KCNK18: variants seen among roughly 807,000 people sequenced by gnomAD.
KCNK18 encodes potassium channel subfamily K member 18.
A neutral mutation model predicts 11.8 loss-of-function variants in KCNK18; 8 were observed. The ratio of observed to expected loss-of-function variants is 0.68; its 90% CI spans 0.40 to 1.22. The LOEUF (loss-of-function observed/expected upper bound fraction) is 1.22. KCNK18 is among the 50% of genes most tolerant of loss of function. The pLI is 0.01. For missense variants in KCNK18, 442 were observed against 465.4 expected, an observed-to-expected ratio of 0.95 and a Z score of 0.46; for synonymous variants, 208 against 185.8, an observed-to-expected ratio of 1.12 and a Z score of -0.97.
chr10:117,205,871 G>A (rs1855069051), intron 2 of KCNK18, among the ~76,000 whole-genome samples: 1 of 152,114 alleles, frequency 6.6e-6, no homozygotes, highest in African/African-American at 2.4e-5. Flanking sequence ...CCAACATGGT[G>A]AAACCTTGTC....
intron 2 of KCNK18, among the ~76,000 whole-genome samples, chr10:117,209,140 T>A (rs553394844): frequency 1.3e-5 from 2 of 152,302 alleles, no homozygotes; most frequent in South Asian, 4.1e-4. Flanking sequence ...ACTCATCCTG[T>A]CCTTCCAGGT....
chr10:117,207,972 C>T (rs539314562), intron 2 of KCNK18, among the ~76,000 whole-genome samples: 4 of 152,298 alleles, frequency 2.6e-5, no homozygotes, highest in South Asian at 2.1e-4. Context: ...TAGCCACCTG[C>T]GCTGTGGGGT....
chr10:117,209,752 T>C lies in KCNK18; in HGVS notation c.608T>C (p.Ile203Thr). Residue 203 changes from isoleucine to threonine, a missense_variant, in exon 3 of 3, where the codon ATC (isoleucine) becomes ACC (threonine). Ile to Thr is a moderately conservative substitution (Grantham distance 89). Coordinates refer to ENST00000334549, the MANE Select transcript of KCNK18 (RefSeq NM_181840.1). Reference sequence around the variant, plus strand: ...GCAGATGAAGCTGTCCCTCAGATCATCATCAGTGCTGAAGAGCTTCCAGGC... The same window carrying C: ...GCAGATGAAGCTGTCCCTCAGATCACCATCAGTGCTGAAGAGCTTCCAGGC... Reference protein sequence around the residue: ...KPADEAVPQIIISAEELPGPK... With the variant: ...KPADEAVPQITISAEELPGPK... 6.2e-7 allele frequency: 1 copy of C among 1,614,056 alleles called. No individual in the cohort carries two copies. Among genetic ancestry groups the C allele is most frequent in the Non-Finnish European group, 8.5e-7 (1 of 1,180,014 alleles).
chr10:117,199,919 C>T (rs1481562568), intron 1 of KCNK18, among the ~76,000 whole-genome samples: 1 of 152,198 alleles, frequency 6.6e-6, no homozygotes, highest in Admixed American at 6.5e-5. Context: ...TCGAGCCATT[C>T]AGGAACCTCT....
chr10:117,198,879 G>A lies in KCNK18; in HGVS notation c.223+1168G>A, dbSNP rs199838390. Among the ~76,000 whole-genome samples the A allele has an allele frequency of 1.9e-4, 29 of 152,292 alleles. No homozygotes were observed. The East Asian group carries it at 5.6e-3, about 30-fold the overall frequency. On this transcript the variant is annotated intron_variant, in intron 1 of 2. Transcript: ENST00000334549. ...CCAAAGGGACACTGCACCATCGCAG[G>A]GCCTAGACTACCAGCAAGTTCAAGG...
chr10:117,200,964 A>T lies in KCNK18; in HGVS notation c.224-195A>T, dbSNP rs530524746. Among the ~76,000 whole-genome samples, 6 of 152,274 alleles carry T rather than the reference A, an allele frequency of 3.9e-5. No homozygotes were observed. The South Asian group carries it at 1.2e-3, about 32-fold the overall frequency. ...AGGGCTAAGTGGCCTCCTTATCTCCATAGGGACTGAAGGCAGGACCCAGGC... is the reference window on the plus strand; with the variant it reads ...AGGGCTAAGTGGCCTCCTTATCTCCTTAGGGACTGAAGGCAGGACCCAGGC... On this transcript the variant is annotated intron_variant, in intron 1 of 2. Coordinates refer to ENST00000334549, the MANE Select transcript of KCNK18 (RefSeq NM_181840.1).
Position 117,201,307 on chromosome 10 carries a change from C to T in KCNK18, c.352+20C>T, listed in dbSNP as rs775048129. The T allele has an allele frequency of 1.2e-6, 2 of 1,611,120 alleles. No homozygotes were observed. The highest frequency in any genetic ancestry group is 1.7e-6 in the Non-Finnish European group (2 of 1,179,874). ...CCGTGGGTAAGTGCAAAGCCACAGT[C>T]CCCCTCACGGTGGCCCTGTGAAGGG... On this transcript the variant is annotated intron_variant, in intron 2 of 2. Transcript: ENST00000334549.
intron 2 of KCNK18, among the ~76,000 whole-genome samples, chr10:117,201,568 G>A (rs1030100592): frequency 6.6e-6 from 1 of 152,168 alleles, no homozygotes; most frequent in Non-Finnish European, 1.5e-5. Flanking sequence ...ACTCCAGCAG[G>A]TCCGTCAGTT....
intron 2 of KCNK18, among the ~76,000 whole-genome samples, chr10:117,203,764 T>C (rs993338522): frequency 6.6e-6 from 1 of 152,220 alleles, no homozygotes; most frequent in East Asian, 1.9e-4. Flanking sequence ...CTTGAACTCC[T>C]GACCTCAGGT....
chr10:117,206,611 C>T (rs943342760), intron 2 of KCNK18, among the ~76,000 whole-genome samples: 1 of 152,154 alleles, frequency 6.6e-6, no homozygotes, highest in Non-Finnish European at 1.5e-5. Context: ...AGATGCTGCC[C>T]ACCTCCCGGC....
Position 117,209,743 on chromosome 10 carries a change from C to T in KCNK18, c.599C>T (p.Pro200Leu). ...CCCAAGCCCGCAGATGAAGCTGTCCCTCAGATCATCATCAGTGCTGAAGAG... is the reference window on the plus strand; with the variant it reads ...CCCAAGCCCGCAGATGAAGCTGTCCTTCAGATCATCATCAGTGCTGAAGAG... ...PDPKPADEAV[P>L]QIIISAEELP... The change falls in exon 3 of 3, where the codon CCT becomes CTT. Residue 200 changes from proline (P) to leucine (L), a missense_variant. Pro to Leu is a moderately conservative substitution (Grantham distance 98). Coordinates refer to ENST00000334549, the MANE Select transcript of KCNK18 (RefSeq NM_181840.1). The T allele has an allele frequency of 6.2e-7, 1 of 1,614,176 alleles. No homozygotes were observed. The highest frequency in any genetic ancestry group is 2.2e-5 in the East Asian group (1 of 44,880).
chr10:117,199,164 A>T (rs7476167), intron 1 of KCNK18, among the ~76,000 whole-genome samples: 3 of 152,160 alleles, frequency 2.0e-5, no homozygotes, highest in African/African-American at 4.8e-5. Flanking sequence ...ATAAAAAATT[A>T]AAAAATTTAG....
In KCNK18 at chr10:117,210,187, T is replaced by G. The variant is rs764660644; in HGVS notation, c.1043T>G (p.Met348Arg). ...LFFSIYIIVG[M>R]EIVFIAFKLV... ...TTCTCCATTTATATCATCGTTGGAA[T>G]GGAGATTGTGTTCATTGCTTTCAAG... Residue 348 changes from methionine to arginine, a missense_variant, in exon 3 of 3, where the codon ATG becomes AGG. By Grantham distance (91) the Met-to-Arg change is moderately conservative. Coordinates refer to ENST00000334549, the MANE Select transcript of KCNK18 (RefSeq NM_181840.1). 2.5e-6 allele frequency: 4 copies of G among 1,614,186 alleles called. No individual in the cohort carries two copies. Among genetic ancestry groups the G allele is most frequent in the Non-Finnish European group, 3.4e-6 (4 of 1,179,992 alleles).
chr10:117,206,462 C>T (rs1170065003), intron 2 of KCNK18, among the ~76,000 whole-genome samples: 1 of 152,204 alleles, frequency 6.6e-6, no homozygotes, highest in African/African-American at 2.4e-5. Context: ...GATCCTTAAT[C>T]ACATCGACAA....
chr10:117,197,680 G>C lies in KCNK18; in HGVS notation c.192G>C (p.Glu64Asp). The C allele has an allele frequency of 6.2e-7, 1 of 1,614,160 alleles. No homozygotes were observed. Among genetic ancestry groups the C allele is most frequent in the Non-Finnish European group, 8.5e-7 (1 of 1,180,032 alleles). The change falls in exon 1 of 3, where the codon GAG (glutamate) becomes GAC (aspartate). Residue 64 changes from glutamate (E) to aspartate (D), a missense_variant. By Grantham distance (45) the Glu-to-Asp change is conservative. Coordinates refer to ENST00000334549, the MANE Select transcript of KCNK18 (RefSeq NM_181840.1). ...GAGAGTTTGAGAAGTTCTTGGAGGAGCTCTGCAGAATCTTGAACTGCAGTG... is the reference window on the plus strand; with the variant it reads ...GAGAGTTTGAGAAGTTCTTGGAGGACCTCTGCAGAATCTTGAACTGCAGTG... ...DDGEFEKFLE[E>D]LCRILNCSET...
chr10:117,201,024 G>C, intron 1 of KCNK18, 135 bp from the exon 2 acceptor site: 1 of 1,013,116 alleles, frequency 9.9e-7, no homozygotes, highest in South Asian at 1.3e-5. Flanking sequence ...TCCGACCACC[G>C]AGCTTTGGTG....
At chr10:117,201,870 T>C (rs900140301) in intron 2 of KCNK18, among the ~76,000 whole-genome samples, 4 of 152,210 alleles carry the variant, frequency 2.6e-5, no homozygotes, top group African/African-American at 9.6e-5. Flanking sequence ...AAGGTCCCTC[T>C]GGTGATTAAG....
intron 2 of KCNK18, among the ~76,000 whole-genome samples, chr10:117,205,187 C>T (rs914388234): frequency 2.0e-5 from 3 of 152,186 alleles, no homozygotes; most frequent in African/African-American, 7.2e-5. Context: ...ACTGGGTCAT[C>T]CCTCTTGGAT....
chr10:117,208,016 G>A (rs577575894), intron 2 of KCNK18, among the ~76,000 whole-genome samples: 1 of 152,302 alleles, frequency 6.6e-6, no homozygotes, highest in South Asian at 2.1e-4. Context: ...CTCTGTAGGT[G>A]CAAGGGGAGG....
Sources: gnomAD v4.1 joint callset for allele counts (sites outside exome capture counted in the v4.1 genomes callset) on GRCh38, gnomAD v4.1.1 for gene constraint, MANE v1.5 for transcripts, NCBI Gene and HGNC (gene_info 2026-07-23, HGNC 2026-07-21) for gene names.